ENTPD5: variants seen among roughly 807,000 people sequenced by gnomAD.
ENTPD5 encodes nucleoside diphosphate phosphatase ENTPD5.
A neutral mutation model predicts 60.2 loss-of-function variants in ENTPD5; 49 were observed. The ratio of observed to expected loss-of-function variants is 0.81; its 90% CI spans 0.65 to 1.03. The LOEUF (loss-of-function observed/expected upper bound fraction) is 1.03, where lower values mean the gene tolerates loss of function less well. Among genes scored for constraint, ENTPD5 ranks in the 50% least tolerant of loss-of-function variants. The probability of loss-of-function intolerance (pLI) is 0.00; values close to 1 mark genes in which losing one functional copy is unlikely to be tolerated. For synonymous variants in ENTPD5, 187 were observed against 185.4 expected, an observed-to-expected ratio of 1.01 and a Z score of -0.07; for missense variants, 480 against 507.6, an observed-to-expected ratio of 0.95 and a Z score of 0.52.
chr14:74,008,981 AAT>A (rs1183576103), intron 3 of ENTPD5: 3 of 152,198 alleles, frequency 2.0e-5, no homozygotes, highest in African/African-American at 7.2e-5. Context: ...TTTGCATCAA[AAT>A]ATCATTAGAC....
intron 9 of ENTPD5, 66 bp downstream of exon 9, chr14:73,976,256 CCT>C: frequency 2.2e-6 from 3 of 1,389,678 alleles, no homozygotes; most frequent in Non-Finnish European, 3.1e-6. Context: ...AAATGGGGCG[CCT>C]CTTTCTTGGC....
intron 3 of ENTPD5, among the ~76,000 whole-genome samples, chr14:73,995,653 G>GA (rs2058318558): frequency 2.0e-5 from 3 of 151,450 alleles, no homozygotes; most frequent in African/African-American, 2.4e-5. Flanking sequence ...CCCAGCCCCT[G>GA]AAAAAAATCA....
At chr14:74,006,050 A>G (rs2058669975) in intron 3 of ENTPD5, among the ~76,000 whole-genome samples, 1 of 151,976 alleles carries the variant, frequency 6.6e-6, no homozygotes, top group South Asian at 2.1e-4. Flanking sequence ...GTGCAATGGC[A>G]TGATCTTGGC....
intron 5 of ENTPD5, among the ~76,000 whole-genome samples, chr14:73,984,903 G>A (rs1232564829): frequency 6.6e-6 from 1 of 151,800 alleles, no homozygotes; most frequent in Admixed American, 6.6e-5. Flanking sequence ...CCCTGCTCCC[G>A]CCACCCCACG....
Position 73,973,860 on chromosome 14 carries a change from G to GA in ENTPD5, c.886+16dup, listed in dbSNP as rs1484391924. 1.9e-6 allele frequency: 3 copies of GA among 1,608,522 alleles called. No individual in the cohort carries two copies. The highest frequency in any genetic ancestry group is 1.1e-5 in the South Asian group (1 of 90,948). On this transcript the variant is annotated intron_variant, in intron 12 of 15. Coordinates refer to ENST00000334696, the MANE Select transcript of ENTPD5 (RefSeq NM_001249.5). ...CATTGTAAACGTAACTTTAACCAGT[G>GA]AAAAAACATCACTTGCCTTCTTGGT... is the stretch of plus-strand genomic sequence containing the variant.
chr14:73,990,941 A>C (rs905128281), intron 3 of ENTPD5, among the ~76,000 whole-genome samples: 4 of 152,078 alleles, frequency 2.6e-5, no homozygotes, highest in Non-Finnish European at 5.9e-5. Flanking sequence ...AGACAGGAGA[A>C]TTGCTTGAAA....
chr14:73,965,630 AAGAATCGCTTGAACCTGGGGGCGGAG>A lies in ENTPD5; in HGVS notation c.*1272_*1297del, dbSNP rs1283328004. The A allele has an allele frequency of 2.0e-5, 3 of 152,218 alleles. No homozygotes were observed. Among genetic ancestry groups the A allele is most frequent in the Admixed American group, 6.6e-5 (1 of 15,266 alleles). 9.4% of individuals were successfully genotyped at this position (152,218 alleles called of 1,614,324 possible). On this transcript the variant is annotated 3_prime_UTR_variant, in exon 16 of 16. Coordinates refer to ENST00000334696, the MANE Select transcript of ENTPD5 (RefSeq NM_001249.5). ...CCCAGCTCTTCAGGAGGCTGAGAAC[AAGAATCGCTTGAACCTGGGGGCGGAG>A]GTTGCAGTGAGCTGAGATTGCGCCA...
At chr14:73,958,149 C>G (rs189840848), downstream of ENTPD5, 4 of 1,613,796 alleles carry the variant, frequency 2.5e-6, no homozygotes, top group African/African-American at 2.7e-5. Flanking sequence ...CTCCCCAGAC[C>G]GAGTGACGGT....
chr14:74,005,768 C>G (rs1214081241), intron 3 of ENTPD5, among the ~76,000 whole-genome samples: 1 of 151,688 alleles, frequency 6.6e-6, no homozygotes, highest in Non-Finnish European at 1.5e-5. Flanking sequence ...GATCATGCCA[C>G]TGCACTCCAG....
chr14:73,961,870 C>T, downstream of ENTPD5: 5 of 1,614,178 alleles, frequency 3.1e-6, no homozygotes, highest in South Asian at 2.2e-5. Flanking sequence ...GGACGTGGGG[C>T]TTGCAGGCCA....
Position 73,973,956 on chromosome 14 carries a change from C to A in ENTPD5, c.807G>T (p.Arg269=). ...ETEGTDGHTF[R]SACLPRWLEA... is the part of the protein sequence containing the mutation. ...CCAACCATCTCGGTAAACAGGCACT[C>A]CGGAAAGTGTGCCCATCAGTCCCTG... Residue 269 remains arginine (R), a synonymous_variant, in exon 12 of 16, where the codon CGG becomes CGT. Transcript: ENST00000334696. The A allele has an allele frequency of 6.2e-7, 1 of 1,614,070 alleles. No homozygotes were observed. The highest frequency in any genetic ancestry group is 1.1e-5 in the South Asian group (1 of 91,084).
intron 6 of ENTPD5, among the ~76,000 whole-genome samples, chr14:73,981,547 A>G (rs2057691000): frequency 6.6e-6 from 1 of 151,832 alleles, no homozygotes; most frequent in Non-Finnish European, 1.5e-5. Context: ...CTGTTCCTAT[A>G]ATCCTAGCAC....
At chr14:73,985,941 ACAT>A (rs1291728565) in intron 5 of ENTPD5, among the ~76,000 whole-genome samples, 4 of 151,802 alleles carry the variant, frequency 2.6e-5, no homozygotes, top group Non-Finnish European at 1.5e-5. Flanking sequence ...GCATGGTGGC[ACAT>A]GCCTGTAGTC....
In ENTPD5 at chr14:74,011,079, T is replaced by C. The variant is rs775068413; in HGVS notation, c.-71+12A>G. On this transcript the variant is annotated intron_variant, in intron 3 of 15. Coordinates refer to ENST00000334696, the MANE Select transcript of ENTPD5 (RefSeq NM_001249.5). Reference sequence around the variant, plus strand: ...ATGAAAAAGTGAAGTATTACTTATATATGTTACTTACCAATTTTTTCTTTC... The same window carrying C: ...ATGAAAAAGTGAAGTATTACTTATACATGTTACTTACCAATTTTTTCTTTC... 8 of 670,962 alleles carry C rather than the reference T, an allele frequency of 1.2e-5. No homozygotes were observed. The highest frequency in any genetic ancestry group is 7.5e-4 in the Middle Eastern group (1 of 1,332). 41.6% of individuals were successfully genotyped at this position (670,962 alleles called of 1,614,324 possible). A position where few individuals can be genotyped will look rare whatever the true frequency, so the allele number is the denominator to read the frequency against.
At chr14:74,017,757 G>A (rs190586467) in intron 1 of ENTPD5, among the ~76,000 whole-genome samples, 3 of 150,050 alleles carry the variant, frequency 2.0e-5, no homozygotes, top group Admixed American at 1.3e-4. Context: ...ATGGTGGCAC[G>A]CACCTATAGT....
chr14:74,010,321 A>G (rs1410718676), intron 3 of ENTPD5, among the ~76,000 whole-genome samples: 1 of 152,146 alleles, frequency 6.6e-6, no homozygotes, highest in African/African-American at 2.4e-5. Flanking sequence ...TTGGGAGGCC[A>G]AGGTGGGCAG....
chr14:73,956,993 C>T (rs2056464544), downstream of ENTPD5, among the ~76,000 whole-genome samples: 1 of 152,030 alleles, frequency 6.6e-6, no homozygotes, highest in Non-Finnish European at 1.5e-5. Flanking sequence ...AGTCATACAC[C>T]AAAGCTGTAA....
intron 3 of ENTPD5, among the ~76,000 whole-genome samples, chr14:73,999,524 G>A (rs112787497): frequency 4.6e-4 from 66 of 143,134 alleles, no homozygotes; most frequent in East Asian, 1.7e-3. Context: ...GGCCGGGCAC[G>A]GTGGCTCACT....
chr14:73,991,496 G>A (rs749600349), intron 3 of ENTPD5, among the ~76,000 whole-genome samples: 2 of 149,372 alleles, frequency 1.3e-5, no homozygotes, highest in Non-Finnish European at 3.0e-5. Flanking sequence ...GCTGAGGCAG[G>A]AACATCACTT....
Sources: allele counts gnomAD v4.1 joint callset (sites outside exome capture counted in the v4.1 genomes callset), GRCh38; gene constraint gnomAD v4.1.1; transcripts MANE v1.5; gene names NCBI Gene and HGNC (gene_info 2026-07-23, HGNC 2026-07-21).